CGGBP1: variants seen among roughly 807,000 people sequenced by gnomAD.
CGGBP1 encodes CGG triplet repeat binding protein 1, also known as CGG triplet repeat-binding protein 1.
Under a neutral mutation model 11.4 loss-of-function variants are expected in CGGBP1, and 4 were observed. That is an observed-to-expected ratio of 0.35 (90% CI 0.17 to 0.80). CGGBP1 has a LOEUF of 0.80. CGGBP1 is among the 30% of genes least tolerant of loss of function. The pLI, the probability that CGGBP1 is intolerant of heterozygous loss-of-function variation, is 0.52. For missense variants in CGGBP1, 135 were observed against 202.1 expected (o/e 0.67, Z 2.01); for synonymous variants, 76 against 74.1 (o/e 1.03, Z -0.13).
At chr3:88,144,254 ATACT>A (rs1468113038) in intron 1 of CGGBP1, 1 of 152,296 alleles carries the variant, frequency 6.6e-6, no homozygotes, top group African/African-American at 2.4e-5. Flanking sequence ...CAATTATATA[ATACT>A]TAAATAATTT....
chr3:88,144,770 G>C (rs1707276978), intron 1 of CGGBP1: 1 of 152,202 alleles, frequency 6.6e-6, no homozygotes, highest in Non-Finnish European at 1.5e-5. Flanking sequence ...GCATATTTCA[G>C]TTAGTATATT....
chr3:88,136,996 A>T (rs1706826227), intron 2 of CGGBP1, among the ~76,000 whole-genome samples: 1 of 152,076 alleles, frequency 6.6e-6, no homozygotes. Flanking sequence ...GAAGTTCAAG[A>T]CCAGTCTGGC....
intron 1 of CGGBP1, chr3:88,141,082 T>C: frequency 6.5e-7 from 1 of 1,536,256 alleles, no homozygotes; most frequent in Non-Finnish European, 8.7e-7. Flanking sequence ...GAGGTATCTG[T>C]AGAAAGAGAA....
At chr3:88,139,478 T>G (rs770224926) in intron 2 of CGGBP1, 1 of 1,613,772 alleles carries the variant, frequency 6.2e-7, no homozygotes, top group South Asian at 1.1e-5. Flanking sequence ...GGCAGCAAAT[T>G]GCTGCAGCTC....
At chr3:88,147,773 T>G (rs1707335776) in intron 1 of CGGBP1, among the ~76,000 whole-genome samples, 1 of 152,106 alleles carries the variant, frequency 6.6e-6, no homozygotes, top group South Asian at 2.1e-4. Flanking sequence ...TTGTGGGTGA[T>G]TTTGCCCTGC....
intron 2 of CGGBP1, among the ~76,000 whole-genome samples, chr3:88,075,090 C>G (rs1436034512): frequency 6.6e-6 from 1 of 152,160 alleles, no homozygotes; most frequent in African/African-American, 2.4e-5. Context: ...CCAGGTACCT[C>G]ATCTTAATTG....
At chr3:88,062,173 A>G (rs1706923208), upstream of CGGBP1, among the ~76,000 whole-genome samples, 1 of 152,184 alleles carries the variant, frequency 6.6e-6, no homozygotes, top group South Asian at 2.1e-4. Context: ...CTGATACTTA[A>G]TTTGCTTTGA....
At chr3:88,112,458 A>G (rs774413716) in intron 2 of CGGBP1, among the ~76,000 whole-genome samples, 3 of 151,876 alleles carry the variant, frequency 2.0e-5, no homozygotes, top group Non-Finnish European at 4.4e-5. Flanking sequence ...TTCTTTATGA[A>G]TCATAAATTA....
chr3:88,069,350 A>G (rs555127626), intron 2 of CGGBP1, among the ~76,000 whole-genome samples: 3 of 152,238 alleles, frequency 2.0e-5, no homozygotes, highest in South Asian at 2.1e-4. Context: ...TGAACTCTGG[A>G]GGCGGAGGTT....
chr3:88,060,859 A>G (rs1169218107), upstream of CGGBP1, among the ~76,000 whole-genome samples: 1 of 152,038 alleles, frequency 6.6e-6, no homozygotes, highest in Non-Finnish European at 1.5e-5. Context: ...AAGAAAAAGG[A>G]TGGAGTTGAC....
chr3:88,083,588 G>A lies in CGGBP1; in HGVS notation c.-228-25365C>T, dbSNP rs1708189724. ...TTCTGTAAATATTCACTACAGTAAT[G>A]TTTGTTATGCTCTTCAAAATGAGAA... On this transcript the variant is annotated intron_variant, in intron 2 of 3. Coordinates refer to the CGGBP1 transcript ENST00000462901. 2.0e-5 allele frequency among the ~76,000 whole-genome samples: 3 copies of A among 152,238 alleles called. No homozygotes were observed. In the South Asian group the frequency reaches 6.2e-4, roughly 32 times the overall value.
intron 2 of CGGBP1, among the ~76,000 whole-genome samples, chr3:88,106,004 C>T (rs1008266402): frequency 1.3e-5 from 2 of 152,270 alleles, no homozygotes; most frequent in Admixed American, 6.5e-5. Context: ...AGCCTTCTTC[C>T]TCTCCAGAGG....
At chr3:88,116,801 C>T (rs1044415857) in intron 2 of CGGBP1, among the ~76,000 whole-genome samples, 1 of 152,094 alleles carries the variant, frequency 6.6e-6, no homozygotes, top group African/African-American at 2.4e-5. Flanking sequence ...AGGCCATGAT[C>T]TACTAAATTA....
Position 88,096,305 on chromosome 3 carries a change from G to T in CGGBP1, c.-228-38082C>A, listed in dbSNP as rs960146458. Among the ~76,000 whole-genome samples the T allele has an allele frequency of 3.3e-5, 5 of 152,116 alleles. No individual in the cohort carries two copies. The South Asian group carries it at 8.3e-4, about 25-fold the overall frequency. On this transcript the variant is annotated intron_variant, in intron 2 of 3. Coordinates refer to the CGGBP1 transcript ENST00000462901. ...TAGAAATGGAGGGACAAAGGAAGAA[G>T]AAAGTATTACTAGAGCCCACAGACA...
intron 2 of CGGBP1, among the ~76,000 whole-genome samples, chr3:88,091,813 C>T (rs1343885638): frequency 2.0e-5 from 3 of 152,162 alleles, no homozygotes; most frequent in Admixed American, 1.3e-4. Flanking sequence ...TGCCTTTGTT[C>T]CTCCTTCGCC....
At chr3:88,096,439 G>A (rs1375034512) in intron 2 of CGGBP1, among the ~76,000 whole-genome samples, 1 of 152,104 alleles carries the variant, frequency 6.6e-6, no homozygotes, top group East Asian at 1.9e-4. Flanking sequence ...AGGGGAGAAA[G>A]ACCCTCATTT....
At position 88,077,331 on chromosome 3, in the gene CGGBP1, A is replaced by ATT. The variant is rs372006323; in HGVS notation, c.-228-19110_-228-19109dup. 1.1e-3 allele frequency among the ~76,000 whole-genome samples: 150 copies of ATT among 139,686 alleles called. 5 individuals carry two copies. Among genetic ancestry groups the ATT allele is most frequent in the African/African-American group, 2.1e-3 (79 of 37,610 alleles). 91.6% of individuals were successfully genotyped at this position (139,686 alleles called of 152,430 possible). A position where few individuals can be genotyped will look rare whatever the true frequency, so the allele number is the denominator to read the frequency against. ...AAAAGAGAAAAAGTTGCAGACTTAA[A>ATT]TTGTTTTTTTTTTTTTTTTTGAGAC... On this transcript the variant is annotated intron_variant, in intron 2 of 3. Coordinates refer to the CGGBP1 transcript ENST00000462901.
At chr3:88,105,694 G>A (rs1262925195) in intron 2 of CGGBP1, among the ~76,000 whole-genome samples, 1 of 152,042 alleles carries the variant, frequency 6.6e-6, no homozygotes, top group Non-Finnish European at 1.5e-5. Context: ...TCAATCTTCT[G>A]ATTTTTTTTG....
chr3:88,090,828 A>C (rs954330186), intron 2 of CGGBP1, among the ~76,000 whole-genome samples: 1 of 152,178 alleles, frequency 6.6e-6, no homozygotes, highest in Non-Finnish European at 1.5e-5. Flanking sequence ...CCCATACATA[A>C]AATACAGTAA....
Sources: allele counts gnomAD v4.1 joint callset (sites outside exome capture counted in the v4.1 genomes callset), GRCh38; gene constraint gnomAD v4.1.1; transcripts MANE v1.5; gene names NCBI Gene and HGNC (gene_info 2026-07-23, HGNC 2026-07-21).